The following CA12 variants were observed in gnomAD, a reference collection of about 807,000 sequenced individuals.
The protein encoded by CA12 is carbonate dehydratase XII.
In CA12, 36 loss-of-function variants were observed where a neutral mutation model predicts 46.8. That is an observed-to-expected ratio of 0.77 (90% CI 0.59 to 1.02). CA12 has a LOEUF of 1.02. Among genes scored for constraint, CA12 ranks in the 50% least tolerant of loss-of-function variants. The pLI is 0.00. For missense variants in CA12, 436 were observed against 451.4 expected (o/e 0.97, Z 0.31); for synonymous variants, 202 against 187.0 (o/e 1.08, Z -0.65).
chr15:63,348,592 G>T lies in CA12; in HGVS notation c.107-1883C>A, dbSNP rs376146158. 2.6e-4 allele frequency among the ~76,000 whole-genome samples: 40 copies of T among 152,350 alleles called. 1 individual carries two copies. The East Asian group carries it at 4.4e-3, about 17-fold the overall frequency. On this transcript the variant is annotated intron_variant, in intron 2 of 10. Coordinates refer to ENST00000178638, the MANE Select transcript of CA12 (RefSeq NM_001218.5). The surrounding 1 kb of genome is among the most constrained non-coding windows in gnomAD (Gnocchi z 4.6). ...ACAGCCAGCAGGGCGGAAGCTGCCA[G>T]CCAGGCATGAATGCAAAAAACTCAG...
chr15:63,381,152 C>T (rs2039639972), intron 1 of CA12, among the ~76,000 whole-genome samples: 1 of 152,140 alleles, frequency 6.6e-6, no homozygotes, highest in Admixed American at 6.5e-5. Context: ...TGCATCATCC[C>T]TTTGACTTGT....
chr15:63,327,642 G>A lies in CA12; in HGVS notation c.908-409C>T, dbSNP rs1365798751. ...AGAACCACACTTTGATAAGCCCTGG[G>A]CTACACAAATAAGAACTTACTCTGT... On this transcript the variant is annotated intron_variant, in intron 9 of 10. Coordinates refer to ENST00000178638, the MANE Select transcript of CA12 (RefSeq NM_001218.5). This position sits in a 1 kb window ranked among gnomAD's most constrained non-coding sequence, Gnocchi z 4.5. Among the ~76,000 whole-genome samples, 1 of 152,062 alleles carries A rather than the reference G, an allele frequency of 6.6e-6. No homozygotes were observed. Among genetic ancestry groups the A allele is most frequent in the Non-Finnish European group, 1.5e-5 (1 of 68,020 alleles).
chr15:63,381,793 C>CGCGGT lies in CA12; in HGVS notation c.-74_-73insACCGC. ...GGTGGCCGCTCGCTCTCCAGCTGCA[C>CGCGGT]ACCGGGACCGCGTGCGCGCAGCCTG... On this transcript the variant is annotated 5_prime_UTR_variant, in exon 1 of 11. Transcript: ENST00000178638. 9.6e-7 allele frequency: 1 copy of CGCGGT among 1,038,758 alleles called. No individual in the cohort carries two copies. 64.3% of individuals were successfully genotyped at this position (1,038,758 alleles called of 1,614,324 possible). A position where few individuals can be genotyped will look rare whatever the true frequency, so the allele number is the denominator to read the frequency against.
At position 63,330,527 on chromosome 15, in the gene CA12, G is replaced by A. The variant is rs1375759474; in HGVS notation, c.875-2397C>T. 6.6e-6 allele frequency among the ~76,000 whole-genome samples: 1 copy of A among 152,180 alleles called. No homozygotes were observed. The highest frequency in any genetic ancestry group is 1.5e-5 in the Non-Finnish European group (1 of 68,030). ...CCTGGCTAAGCCATCCAGGCTGGAT[G>A]GTTTCTAAAGTCATCTCTTTCACAG... On this transcript the variant is annotated intron_variant, in intron 8 of 10. Transcript: ENST00000178638. The surrounding 1 kb of genome is among the most constrained non-coding windows in gnomAD (Gnocchi z 4.0).
rs2038861662 is a variant in CA12 at position 63,326,060 on chromosome 15, T to G, written c.*225A>C. The G allele has an allele frequency of 1.8e-6, 1 of 564,622 alleles. No homozygotes were observed. The highest frequency in any genetic ancestry group is 2.0e-5 in the South Asian group (1 of 50,628). The allele number at this position is 564,622 out of a possible 1,614,324, so 35.0% of individuals were successfully genotyped here. On this transcript the variant is annotated 3_prime_UTR_variant, in exon 11 of 11. Transcript: ENST00000178638. ...ACAGTTACAGCAAGCAGCTTTGAAT[T>G]CCTGCTGCTTGGTCTGAGAGTGCAT...
chr15:63,349,551 A>G (rs2039198771), intron 2 of CA12, among the ~76,000 whole-genome samples: 1 of 152,044 alleles, frequency 6.6e-6, no homozygotes. Flanking sequence ...CATTGTTATT[A>G]TATTGTAGTA....
At chr15:63,366,006 T>C (rs890620555) in intron 2 of CA12, among the ~76,000 whole-genome samples, 1 of 152,144 alleles carries the variant, frequency 6.6e-6, no homozygotes, top group Non-Finnish European at 1.5e-5. Context: ...CTGGGCGTGA[T>C]GGCGTGTGCC....
At chr15:63,368,668 G>C (rs561057561) in intron 2 of CA12, among the ~76,000 whole-genome samples, 1 of 152,338 alleles carries the variant, frequency 6.6e-6, no homozygotes, top group East Asian at 1.9e-4. Context: ...AATGCCCGGG[G>C]CTCAAGACCA....
intron 2 of CA12, among the ~76,000 whole-genome samples, chr15:63,369,580 G>T (rs149859026): frequency 6.6e-5 from 10 of 152,334 alleles, no homozygotes; most frequent in Non-Finnish European, 1.5e-4. Flanking sequence ...GGTAGGCCTG[G>T]GATGGGCTGA....
In CA12 at chr15:63,331,889, C is replaced by A. The variant is rs1187390643; in HGVS notation, c.875-3759G>T. 1 of 152,194 alleles carries A rather than the reference C, an allele frequency of 6.6e-6. No individual in the cohort carries two copies. The highest frequency in any genetic ancestry group is 1.5e-5 in the Non-Finnish European group (1 of 68,044). The allele number at this position is 152,194 out of a possible 1,614,324, so 9.4% of individuals were successfully genotyped here. ...ACACAGAAGAGTCCAGCACGAGGAA[C>A]AAGCACCTCACTTTCACATCTGGAG... On this transcript the variant is annotated intron_variant, in intron 8 of 10. Coordinates refer to ENST00000178638, the MANE Select transcript of CA12 (RefSeq NM_001218.5). The surrounding 1 kb of genome is among the most constrained non-coding windows in gnomAD (Gnocchi z 5.3).
Position 63,340,553 on chromosome 15 carries a change from G to T in CA12, c.590-108C>A. 1 of 1,489,258 alleles carries T rather than the reference G, an allele frequency of 6.7e-7. No homozygotes were observed. The highest frequency in any genetic ancestry group is 9.4e-7 in the Non-Finnish European group (1 of 1,067,122). 92.3% of individuals were successfully genotyped at this position (1,489,258 alleles called of 1,614,324 possible). ...GAAACATGAACTAGCCCCTTTCAGG[G>T]TCATCTAACCCCAGGACCTGGTTGC... On this transcript the variant is annotated intron_variant, in intron 6 of 10. Coordinates refer to ENST00000178638, the MANE Select transcript of CA12 (RefSeq NM_001218.5). The surrounding 1 kb of genome is among the most constrained non-coding windows in gnomAD (Gnocchi z 4.4).
At position 63,330,190 on chromosome 15, in the gene CA12, A is replaced by T. The variant is rs977375110; in HGVS notation, c.875-2060T>A. Among the ~76,000 whole-genome samples, 1 of 152,154 alleles carries T rather than the reference A, an allele frequency of 6.6e-6. No homozygotes were observed. The highest frequency in any genetic ancestry group is 1.5e-5 in the Non-Finnish European group (1 of 68,022). ...ACAAGGACCAGCCTGTGGCTTGGGG[A>T]GGTACTGAGGACATGAGTCTCCACC... On this transcript the variant is annotated intron_variant, in intron 8 of 10. Transcript: ENST00000178638. This position sits in a 1 kb window ranked among gnomAD's most constrained non-coding sequence, Gnocchi z 4.0.
At chr15:63,358,011 G>T (rs1280668846) in intron 2 of CA12, among the ~76,000 whole-genome samples, 1 of 152,178 alleles carries the variant, frequency 6.6e-6, no homozygotes, top group Non-Finnish European at 1.5e-5. Flanking sequence ...GCAATAAAAA[G>T]GGCCTTCATG....
Position 63,372,141 on chromosome 15 carries a change from G to A in CA12, c.106+3517C>T, listed in dbSNP as rs780433019. Among the ~76,000 whole-genome samples the A allele has an allele frequency of 8.5e-5, 13 of 152,172 alleles. No homozygotes were observed. Among genetic ancestry groups the A allele is most frequent in the Non-Finnish European group, 8.8e-5 (6 of 68,038 alleles). Reference sequence around the variant, plus strand: ...GGCACATATTCTGATACCTTAGCAGGCTGGAGTTTGTCCTTAGCTCACATG... The same window carrying A: ...GGCACATATTCTGATACCTTAGCAGACTGGAGTTTGTCCTTAGCTCACATG... On this transcript the variant is annotated intron_variant, in intron 2 of 10. Coordinates refer to ENST00000178638, the MANE Select transcript of CA12 (RefSeq NM_001218.5). The surrounding 1 kb of genome is among the most constrained non-coding windows in gnomAD (Gnocchi z 4.5).
In CA12 at chr15:63,341,187, A is replaced by C. The variant is rs1235376846; in HGVS notation, c.526-404T>G. Among the ~76,000 whole-genome samples, 1 of 152,174 alleles carries C rather than the reference A, an allele frequency of 6.6e-6. No individual in the cohort carries two copies. The highest frequency in any genetic ancestry group is 1.5e-5 in the Non-Finnish European group (1 of 68,032). On this transcript the variant is annotated intron_variant, in intron 5 of 10. Transcript: ENST00000178638. This position sits in a 1 kb window ranked among gnomAD's most constrained non-coding sequence, Gnocchi z 5.2. ...CATACAGCCTCATTAGGAAAAAAAA[A>C]CATGCAAGCCAATCAGAAGACATTC...
Position 63,381,818 on chromosome 15 carries a change from G to T in CA12, c.-98C>A. On this transcript the variant is annotated 5_prime_UTR_variant, in exon 1 of 11. Coordinates refer to ENST00000178638, the MANE Select transcript of CA12 (RefSeq NM_001218.5). The stretch of plus-strand genomic sequence containing the variant: ...CACCGGGACCGCGTGCGCGCAGCCT[G>T]GGTGCCGTGGCGAGTACGTCCGCCC... The T allele has an allele frequency of 1.3e-6, 1 of 778,000 alleles. No individual in the cohort carries two copies. The allele number at this position is 778,000 out of a possible 1,614,324, so 48.2% of individuals were successfully genotyped here.
chr15:63,346,716 A>G lies in CA12; in HGVS notation c.107-7T>C. 6.2e-7 allele frequency: 1 copy of G among 1,614,110 alleles called. No individual in the cohort carries two copies. Among genetic ancestry groups the G allele is most frequent in the Non-Finnish European group, 8.5e-7 (1 of 1,179,932 alleles). On this transcript the variant is annotated splice_polypyrimidine_tract_variant and splice_region_variant and intron_variant, in intron 2 of 10. Coordinates refer to ENST00000178638, the MANE Select transcript of CA12 (RefSeq NM_001218.5). Reference sequence around the variant, plus strand: ...CTATTCTCCCCATCAGGACCTGGACACAGAGATCCATGCTCAAGATTTAGA... The same window carrying G: ...CTATTCTCCCCATCAGGACCTGGACGCAGAGATCCATGCTCAAGATTTAGA...
chr15:63,375,329 T>C (rs2039556852), intron 2 of CA12: 1 of 261,440 alleles, frequency 3.8e-6, no homozygotes, highest in Non-Finnish European at 7.3e-6. Context: ...GGCTCTCTCC[T>C]GCCCAGGACC....
chr15:63,354,505 G>C (rs551644306), intron 2 of CA12, among the ~76,000 whole-genome samples: 1 of 152,128 alleles, frequency 6.6e-6, no homozygotes, highest in African/African-American at 2.4e-5. Flanking sequence ...AGGAGGATCA[G>C]TTGAGCCCAG....
Sources: gnomAD v4.1 joint callset for allele counts (sites outside exome capture counted in the v4.1 genomes callset) on GRCh38, gnomAD v4.1.1 for gene constraint, Gnocchi (gnomAD v3.1) non-coding constraint, MANE v1.5 for transcripts, NCBI Gene and HGNC (gene_info 2026-07-23, HGNC 2026-07-21) for gene names.